ARHGAP24: variants seen among roughly 807,000 people sequenced by gnomAD.
The protein encoded by ARHGAP24 is Rho GTPase activating protein 24, also known as rho GTPase-activating protein 24.
ARHGAP24 carries 50 observed loss-of-function variants against 76.4 expected under a neutral mutation model. That is an observed-to-expected ratio of 0.65 (90% CI 0.52 to 0.83). The LOEUF (loss-of-function observed/expected upper bound fraction) is 0.83, where lower values mean the gene tolerates loss of function less well. Ranked by LOEUF, ARHGAP24 falls within the 40% of genes least tolerant of loss-of-function variation. ARHGAP24 has a pLI of 0.00. For missense variants in ARHGAP24, 930 were observed against 914.2 expected (o/e 1.02, Z -0.22); for synonymous variants, 345 against 323.3 (o/e 1.07, Z -0.72).
At chr4:85,563,720 T>G (rs1016977700) in intron 1 of ARHGAP24, among the ~76,000 whole-genome samples, 43 of 152,182 alleles carry the variant, frequency 2.8e-4, no homozygotes, top group African/African-American at 1.0e-3. Context: ...TGGCATTCAT[T>G]GCATCCAGGG....
intron 2 of ARHGAP24, among the ~76,000 whole-genome samples, chr4:85,690,713 C>CT (rs76097587): frequency 0.057 from 7,805 of 137,370 alleles, 711 homozygotes; most frequent in African/African-American, 0.19. Context: ...CCCACTCCCC[C>CT]TTTTTTTTTT....
chr4:85,908,914 G>A (rs1308079602), intron 3 of ARHGAP24, among the ~76,000 whole-genome samples: 1 of 152,066 alleles, frequency 6.6e-6, no homozygotes, highest in African/African-American at 2.4e-5. Flanking sequence ...TGCTCAGGAT[G>A]TTGTAAACCA....
intron 4 of ARHGAP24, among the ~76,000 whole-genome samples, chr4:85,933,197 G>T (rs944729793): frequency 2.0e-5 from 3 of 152,144 alleles, no homozygotes; most frequent in African/African-American, 7.2e-5. Flanking sequence ...GCAATAAGGA[G>T]AATGTGTGAA....
chr4:85,577,568 G>T (rs1483363434), intron 2 of ARHGAP24, among the ~76,000 whole-genome samples: 1 of 152,190 alleles, frequency 6.6e-6, no homozygotes, highest in Non-Finnish European at 1.5e-5. Context: ...GATCCTGGGA[G>T]CAGAGGAGCG....
rs563655952 is a variant in ARHGAP24 at position 85,596,207 on chromosome 4, G to C, written c.180+25486G>C. 6.4e-4 allele frequency among the ~76,000 whole-genome samples: 97 copies of C among 151,986 alleles called. 1 individual carries two copies. The highest frequency in any genetic ancestry group is 2.2e-3 in the African/African-American group (91 of 41,482). ...GCTTTAGTTTTCTTTGAAGAAAATAGCAATGCAGTTTTATGAGTCCAGTTT... is the reference window on the plus strand; with the variant it reads ...GCTTTAGTTTTCTTTGAAGAAAATACCAATGCAGTTTTATGAGTCCAGTTT... On this transcript the variant is annotated intron_variant, in intron 2 of 9. Transcript: ENST00000395184.
At chr4:85,526,397 CAAAA>C (rs397945077) in intron 1 of ARHGAP24, among the ~76,000 whole-genome samples, 2 of 76,976 alleles carry the variant, frequency 2.6e-5, no homozygotes, top group African/African-American at 4.4e-5. Flanking sequence ...AAGACCCTGT[CAAAA>C]AAAAAAAAAA....
intron 3 of ARHGAP24, among the ~76,000 whole-genome samples, chr4:85,850,720 C>A (rs868145159): frequency 5.3e-4 from 81 of 152,336 alleles, no homozygotes; most frequent in African/African-American, 1.8e-3. Flanking sequence ...AGTAGTCATT[C>A]ATGAGCAGGT....
chr4:85,995,735 T>C, intron 9 of ARHGAP24, 78 bp downstream of exon 9: 1 of 1,363,010 alleles, frequency 7.3e-7, no homozygotes, highest in South Asian at 1.2e-5. Context: ...ACACTGAGGG[T>C]GACATATGCT....
chr4:85,971,918 G>A, intron 5 of ARHGAP24, 118 bp from the exon 6 acceptor site: 1 of 1,455,646 alleles, frequency 6.9e-7, no homozygotes, highest in Non-Finnish European at 9.5e-7. Flanking sequence ...TGAAAACTGG[G>A]TTGATTCATT....
chr4:85,591,030 G>GTTTTTTTTTTTT lies in ARHGAP24; in HGVS notation c.180+20309_180+20310insTTTTTTTTTTTT, dbSNP rs1560544158. 7.4e-5 allele frequency among the ~76,000 whole-genome samples: 9 copies of GTTTTTTTTTTTT among 121,882 alleles called. 1 individual carries two copies. Among genetic ancestry groups the GTTTTTTTTTTTT allele is most frequent in the African/African-American group, 2.8e-4 (9 of 31,672 alleles). The allele number at this position is 121,882 out of a possible 152,430, so 80.0% of individuals were successfully genotyped here. On this transcript the variant is annotated intron_variant, in intron 2 of 9. Coordinates refer to ENST00000395184, the MANE Select transcript of ARHGAP24 (RefSeq NM_001025616.3). ...CAGCACTAACCTGTAAAATCTGCTG[G>GTTTTTTTTTTTT]GTTTTTTTTTTTTTTTTTTTTTTTT...
chr4:85,788,573 CAGGAGAATCTCCACTT>C (rs1303484591), intron 3 of ARHGAP24, among the ~76,000 whole-genome samples: 1 of 152,166 alleles, frequency 6.6e-6, no homozygotes, highest in African/African-American at 2.4e-5. Flanking sequence ...AGTAATCTTA[CAGGAGAATCTCCACTT>C]TAGACGGTTT....
intron 3 of ARHGAP24, among the ~76,000 whole-genome samples, chr4:85,781,303 C>G (rs1466557718): frequency 2.0e-5 from 3 of 152,124 alleles, no homozygotes; most frequent in Non-Finnish European, 2.9e-5. Flanking sequence ...GTGTTTTCTT[C>G]TAATATTTTT....
intron 3 of ARHGAP24, among the ~76,000 whole-genome samples, chr4:85,787,257 T>G (rs1043265253): frequency 6.6e-6 from 1 of 152,232 alleles, no homozygotes; most frequent in Non-Finnish European, 1.5e-5. Context: ...GCCTTTGCTC[T>G]CCATATATTT....
chr4:85,796,219 C>CAG (rs1280787535), intron 3 of ARHGAP24, among the ~76,000 whole-genome samples: 1 of 150,610 alleles, frequency 6.6e-6, no homozygotes, highest in Non-Finnish European at 1.5e-5. Context: ...CACACACACA[C>CAG]TCACACACAC....
At chr4:85,599,909 A>G (rs1274865701) in intron 2 of ARHGAP24, among the ~76,000 whole-genome samples, 1 of 152,162 alleles carries the variant, frequency 6.6e-6, no homozygotes. Flanking sequence ...ATGTGTGCTA[A>G]ATAACTTGTT....
At chr4:85,582,234 A>G (rs1425311283) in intron 2 of ARHGAP24, among the ~76,000 whole-genome samples, 4 of 152,206 alleles carry the variant, frequency 2.6e-5, no homozygotes, top group Non-Finnish European at 5.9e-5. Context: ...TCTGTTTTCT[A>G]TCTTAGCCTG....
intron 3 of ARHGAP24, among the ~76,000 whole-genome samples, chr4:85,796,115 T>C (rs746014342): frequency 7.9e-5 from 12 of 152,022 alleles, no homozygotes; most frequent in Non-Finnish European, 1.2e-4. Flanking sequence ...TTAAAAGTAA[T>C]AGTAAAAACC....
At chr4:85,833,860 A>G (rs1479022321) in intron 3 of ARHGAP24, among the ~76,000 whole-genome samples, 3 of 152,216 alleles carry the variant, frequency 2.0e-5, no homozygotes, top group Non-Finnish European at 4.4e-5. Context: ...CACAAAAGTG[A>G]TTTTAAATAT....
At chr4:85,770,877 A>G (rs1177517208) in intron 3 of ARHGAP24, among the ~76,000 whole-genome samples, 1 of 152,214 alleles carries the variant, frequency 6.6e-6, no homozygotes, top group Non-Finnish European at 1.5e-5. Flanking sequence ...TCCTCACCTC[A>G]GAGAACGTTG....
Sources: gnomAD v4.1 joint callset for allele counts (sites outside exome capture counted in the v4.1 genomes callset) on GRCh38, gnomAD v4.1.1 for gene constraint, MANE v1.5 for transcripts, NCBI Gene and HGNC (gene_info 2026-07-23, HGNC 2026-07-21) for gene names.